The following MCU variants were observed in gnomAD, a reference collection of about 807,000 sequenced individuals.
The protein encoded by MCU is calcium uniporter protein, mitochondrial.
In MCU, 12 loss-of-function variants were observed where a neutral mutation model predicts 45.2. The observed-to-expected ratio is 0.27, with a 90% CI of 0.17 to 0.43. The LOEUF (loss-of-function observed/expected upper bound fraction) is 0.43, where lower values mean the gene tolerates loss of function less well. Among genes scored for constraint, MCU ranks in the 20% least tolerant of loss-of-function variants. MCU has a pLI of 1.00. For synonymous variants in MCU, 160 were observed against 165.1 expected (o/e 0.97, Z 0.24); for missense variants, 324 against 436.7 (o/e 0.74, Z 2.30).
At chr10:72,799,077 C>T (rs1589466184) in intron 1 of MCU, among the ~76,000 whole-genome samples, 1 of 152,214 alleles carries the variant, frequency 6.6e-6, no homozygotes, top group African/African-American at 2.4e-5. Context: ...TAGGCGCCCG[C>T]CACCACGCCC....
chr10:72,741,400 G>A (rs1023995090), intron 1 of MCU, among the ~76,000 whole-genome samples: 2 of 152,102 alleles, frequency 1.3e-5, no homozygotes, highest in African/African-American at 2.4e-5. Context: ...CGTGCCTGGC[G>A]AGAGTAGCAT....
At chr10:72,882,263 G>A (rs531231850) in intron 6 of MCU, among the ~76,000 whole-genome samples, 18 of 152,286 alleles carry the variant, frequency 1.2e-4, no homozygotes, top group Admixed American at 9.2e-4. Flanking sequence ...TGTAGAGCAT[G>A]TGTGTTTGAA....
rs568612620 is a variant in MCU at position 72,771,763 on chromosome 10, C to T, written c.151-62596C>T. Reference sequence around the variant, plus strand: ...TGGTTTGCTGCACCTATCTACCTATCGTCTAGGTTTTAAGCCTTGCATTCA... The same window carrying T: ...TGGTTTGCTGCACCTATCTACCTATTGTCTAGGTTTTAAGCCTTGCATTCA... On this transcript the variant is annotated intron_variant, in intron 1 of 7. Transcript: ENST00000373053. 6.6e-5 allele frequency among the ~76,000 whole-genome samples: 10 copies of T among 152,204 alleles called. No individual in the cohort carries two copies. In the South Asian group the frequency reaches 1.2e-3, roughly 19 times the overall value.
rs1039018047 is a variant in MCU, at chr10:72,693,103, A to G, written c.150+802A>G. 2.7e-5 allele frequency: 41 copies of G among 1,532,604 alleles called. No homozygotes were observed. In the Admixed American group the frequency reaches 8.0e-4, roughly 30 times the overall value. 94.9% of individuals were successfully genotyped at this position (1,532,604 alleles called of 1,614,324 possible). A position where few individuals can be genotyped will look rare whatever the true frequency, so the allele number is the denominator to read the frequency against. ...ACAGAGGCAGAGATTTGGTGGTTGT[A>G]TTAACCAGTTGTTGCTGGGTTTCAT... On this transcript the variant is annotated intron_variant, in intron 1 of 7. Coordinates refer to ENST00000373053, the MANE Select transcript of MCU (RefSeq NM_138357.3).
At chr10:72,804,242 A>G (rs895119240) in intron 1 of MCU, among the ~76,000 whole-genome samples, 11 of 150,704 alleles carry the variant, frequency 7.3e-5, no homozygotes, top group African/African-American at 2.7e-4. Context: ...GCCCACCACC[A>G]TATCTGGCAA....
At chr10:72,849,172 T>TCGGGAGGCTGAGGCAGGAGAATCG (rs1240531646) in intron 2 of MCU, among the ~76,000 whole-genome samples, 2 of 151,026 alleles carry the variant, frequency 1.3e-5, no homozygotes, top group African/African-American at 4.9e-5. Flanking sequence ...TCCCAGCTAC[T>TCGGGAGGCTGAGGCAGGAGAATCG]CGGGAGGCTG....
intron 1 of MCU, among the ~76,000 whole-genome samples, chr10:72,801,105 A>T (rs1844332889): frequency 6.6e-6 from 1 of 152,184 alleles, no homozygotes; most frequent in South Asian, 2.1e-4. Flanking sequence ...AAAATAAAAA[A>T]GTTTCACTGA....
chr10:72,841,324 T>C (rs940450345), intron 2 of MCU, among the ~76,000 whole-genome samples: 2 of 152,096 alleles, frequency 1.3e-5, no homozygotes, highest in Admixed American at 6.5e-5. Flanking sequence ...TTTTTTGAGA[T>C]GGAGTTTTGC....
chr10:72,799,146 G>A (rs1276486408), intron 1 of MCU, among the ~76,000 whole-genome samples: 5 of 151,984 alleles, frequency 3.3e-5, no homozygotes, highest in East Asian at 1.9e-4. Context: ...GGCTGGTCTC[G>A]AACTCCTGAC....
chr10:72,715,240 T>C, intron 1 of MCU: 2 of 897,208 alleles, frequency 2.2e-6, no homozygotes, highest in Non-Finnish European at 2.7e-6. Context: ...AGTGCCTTTT[T>C]TACTATTTGG....
intron 1 of MCU, among the ~76,000 whole-genome samples, chr10:72,797,052 T>C (rs1467867617): frequency 1.3e-5 from 2 of 152,058 alleles, no homozygotes; most frequent in African/African-American, 4.8e-5. Flanking sequence ...AATTTCAGGG[T>C]ACAGAGTGCA....
At chr10:72,700,654 C>G (rs1842748725) in intron 1 of MCU, among the ~76,000 whole-genome samples, 1 of 151,980 alleles carries the variant, frequency 6.6e-6, no homozygotes, top group African/African-American at 2.4e-5. Context: ...ATTTTTTCAC[C>G]AATTGGGTCT....
intron 1 of MCU, chr10:72,692,602 A>G (rs557964924): frequency 2.3e-5 from 25 of 1,093,802 alleles, no homozygotes; most frequent in African/African-American, 6.6e-5. Flanking sequence ...CTCGCCCCCA[A>G]TCGCGTTCCC....
At chr10:72,872,760 C>G (rs976213184) in intron 6 of MCU, among the ~76,000 whole-genome samples, 15 of 152,112 alleles carry the variant, frequency 9.9e-5, no homozygotes, top group African/African-American at 3.6e-4. Flanking sequence ...TACTGATTTC[C>G]TTTCCTTTGG....
At chr10:72,748,727 A>T (rs1018982006) in intron 1 of MCU, among the ~76,000 whole-genome samples, 1 of 149,838 alleles carries the variant, frequency 6.7e-6, no homozygotes, top group Non-Finnish European at 1.5e-5. Flanking sequence ...TCATTGTTTA[A>T]AAAAAAAAAG....
At chr10:72,869,106 A>AT in intron 5 of MCU, among the ~76,000 whole-genome samples, 1 of 152,310 alleles carries the variant, frequency 6.6e-6, no homozygotes, top group East Asian at 1.9e-4. Context: ...CCTTAACCAG[A>AT]TTTACCACCT....
chr10:72,766,965 A>T (rs770883339), intron 1 of MCU: 14 of 152,094 alleles, frequency 9.2e-5, no homozygotes, highest in Non-Finnish European at 2.1e-4. Context: ...ACGAATTTAA[A>T]CCTATTTTAA....
At chr10:72,823,261 C>T (rs569626740) in intron 1 of MCU, among the ~76,000 whole-genome samples, 1 of 152,324 alleles carries the variant, frequency 6.6e-6, no homozygotes, top group Non-Finnish European at 1.5e-5. Context: ...AGAAGGCAGT[C>T]ACAAAAAGAC....
intron 1 of MCU, among the ~76,000 whole-genome samples, chr10:72,816,679 A>G (rs1844632319): frequency 6.6e-6 from 1 of 152,200 alleles, no homozygotes; most frequent in Non-Finnish European, 1.5e-5. Flanking sequence ...ATGCTGAGGT[A>G]GTGGATGGCT....
Sources: gnomAD v4.1 joint callset for allele counts (sites outside exome capture counted in the v4.1 genomes callset) on GRCh38, gnomAD v4.1.1 for gene constraint, MANE v1.5 for transcripts, NCBI Gene and HGNC (gene_info 2026-07-23, HGNC 2026-07-21) for gene names.